The following DYNC2LI1 variants were observed in gnomAD, a reference collection of about 807,000 sequenced individuals.
DYNC2LI1 encodes the protein cytoplasmic dynein 2 light intermediate chain 1.
A neutral mutation model predicts 51.9 loss-of-function variants in DYNC2LI1; 45 were observed. That is an observed-to-expected ratio of 0.87 (90% CI 0.68 to 1.11). The LOEUF is 1.11. DYNC2LI1 is among the 50% of genes most tolerant of loss of function. DYNC2LI1 has a pLI of 0.00. For synonymous variants in DYNC2LI1, 130 were observed against 137.8 expected (o/e 0.94, Z 0.40); for missense variants, 490 against 417.4 (o/e 1.17, Z -1.51).
chr2:43,827,929 C>T, the DYNC2LI1 span: 4 of 1,610,138 alleles, frequency 2.5e-6, no homozygotes, highest in Admixed American at 1.7e-5. Context: ...AGTATCTGCA[C>T]ACACACAGAA....
chr2:43,809,527 T>G (rs1382140528), intron 12 of DYNC2LI1, among the ~76,000 whole-genome samples, 178 bp from the exon 13 acceptor site: 1 of 152,220 alleles, frequency 6.6e-6, no homozygotes, highest in Non-Finnish European at 1.5e-5. Flanking sequence ...GAAGACAGTA[T>G]TTCTAGAAAA....
intron 10 of DYNC2LI1, among the ~76,000 whole-genome samples, chr2:43,803,758 G>A (rs541413408): frequency 1.1e-4 from 17 of 152,160 alleles, no homozygotes; most frequent in East Asian, 1.9e-4. Context: ...AATGGCTTTC[G>A]CACCAAAGTG....
chr2:43,794,103 T>G (rs1357595642), intron 5 of DYNC2LI1: 3 of 192,336 alleles, frequency 1.6e-5, no homozygotes, highest in African/African-American at 7.1e-5. Context: ...TGTTTTTGCT[T>G]CTTTTATTAT....
the DYNC2LI1 span, among the ~76,000 whole-genome samples, chr2:43,821,713 A>G: frequency 6.6e-6 from 1 of 152,002 alleles, no homozygotes; most frequent in Admixed American, 6.5e-5. Flanking sequence ...TTGTGTCTTG[A>G]ATTCTAATAG....
At position 43,783,616 on chromosome 2, in the gene DYNC2LI1, A is replaced by G. The variant is rs947738073; in HGVS notation, c.161+62A>G. On this transcript the variant is annotated intron_variant, in intron 3 of 12. Transcript: ENST00000260605. ...TTATTCTAGTTGTATAGGGCAAGTTAGCTCTAAAAGACATAAGGAAGGGGA... is the reference window on the plus strand; with the variant it reads ...TTATTCTAGTTGTATAGGGCAAGTTGGCTCTAAAAGACATAAGGAAGGGGA... 9 of 1,084,866 alleles carry G rather than the reference A, an allele frequency of 8.3e-6. No individual in the cohort carries two copies. In the Admixed American group the frequency reaches 2.6e-4, roughly 32 times the overall value. 67.2% of individuals were successfully genotyped at this position (1,084,866 alleles called of 1,614,324 possible).
intron 3 of DYNC2LI1, among the ~76,000 whole-genome samples, chr2:43,784,428 A>G (rs1673425427): frequency 6.6e-6 from 1 of 152,060 alleles, no homozygotes; most frequent in African/African-American, 2.4e-5. Flanking sequence ...GTTGAAAAGT[A>G]TTAATTTCTT....
chr2:43,779,513 C>T lies in DYNC2LI1; in HGVS notation c.126+2614C>T, dbSNP rs202197420. 3.3e-5 allele frequency among the ~76,000 whole-genome samples: 5 copies of T among 152,192 alleles called. No homozygotes were observed. In the East Asian group the frequency reaches 9.6e-4, roughly 29 times the overall value. On this transcript the variant is annotated intron_variant, in intron 2 of 12. Coordinates refer to ENST00000260605, the MANE Select transcript of DYNC2LI1 (RefSeq NM_016008.4). ...TGTGGAAACAGGAATGAAAGGCATT[C>T]TCCCTGGGAAGCAACTTGTGTATCA...
chr2:43,792,805 T>C lies in DYNC2LI1; in HGVS notation c.321-1652T>C, dbSNP rs1309495719. 2.0e-6 allele frequency: 3 copies of C among 1,525,732 alleles called. No homozygotes were observed. In the African/African-American group the frequency reaches 4.2e-5, roughly 21 times the overall value. The allele number at this position is 1,525,732 out of a possible 1,614,324, so 94.5% of individuals were successfully genotyped here. A position where few individuals can be genotyped will look rare whatever the true frequency, so the allele number is the denominator to read the frequency against. ...ATTTAGCATAACGTCTTCAGGGTTC[T>C]TCCGTTTGTAGTATGTGTCAGGATT... is the stretch of plus-strand genomic sequence containing the variant. On this transcript the variant is annotated intron_variant, in intron 5 of 12. Coordinates refer to ENST00000260605, the MANE Select transcript of DYNC2LI1 (RefSeq NM_016008.4).
chr2:43,782,905 C>T (rs145537943), intron 2 of DYNC2LI1, among the ~76,000 whole-genome samples: 5,188 of 152,116 alleles, frequency 0.034, 296 homozygotes, highest in African/African-American at 0.12. Context: ...TCACTTGAGC[C>T]CAGGAGGCAG....
the DYNC2LI1 span, among the ~76,000 whole-genome samples, chr2:43,816,392 C>T: frequency 6.6e-6 from 1 of 152,216 alleles, no homozygotes; most frequent in Non-Finnish European, 1.5e-5. Context: ...GAGAGTGCGC[C>T]TCTAGCCTTG....
intron 6 of DYNC2LI1, chr2:43,795,234 G>C: frequency 1.0e-6 from 1 of 975,448 alleles, no homozygotes; most frequent in Non-Finnish European, 1.2e-6. Context: ...AGCAGGGTGC[G>C]ATGGCTCATG....
chr2:43,796,934 C>T, intron 8 of DYNC2LI1, 139 bp downstream of exon 8: 1 of 651,666 alleles, frequency 1.5e-6, no homozygotes, highest in East Asian at 2.7e-5. Context: ...CTGAAGACCT[C>T]TCCTTACAGA....
At chr2:43,813,721 T>TTG (rs1448671920), downstream of DYNC2LI1, among the ~76,000 whole-genome samples, 1,589 of 128,268 alleles carry the variant, frequency 0.012, 18 homozygotes, top group Non-Finnish European at 0.021. Flanking sequence ...TTTTTTTTTT[T>TTG]TTTTTTTTTT....
Position 43,794,494 on chromosome 2 carries a change from CCTAAT to C in DYNC2LI1, c.359_363del (p.Pro120ArgfsTer30). ...TGTTCTCGTTCTGGATCTTTCAAAACCTAATGATCTCTGGCCCACCATGGAAAATC... is the reference window on the plus strand; with the variant it reads ...TGTTCTCGTTCTGGATCTTTCAAAACGATCTCTGGCCCACCATGGAAAATC... On this transcript the variant is annotated frameshift_variant, in exon 6 of 13. Coordinates refer to ENST00000260605, the MANE Select transcript of DYNC2LI1 (RefSeq NM_016008.4). LOFTEE classifies it high-confidence loss of function. 1 of 1,613,834 alleles carries C rather than the reference CCTAAT, an allele frequency of 6.2e-7. No homozygotes were observed. Among genetic ancestry groups the C allele is most frequent in the Non-Finnish European group, 8.5e-7 (1 of 1,179,884 alleles).
Position 43,774,098 on chromosome 2 carries a change from A to C in DYNC2LI1, c.-41A>C, listed in dbSNP as rs777737519. The C allele has an allele frequency of 5.6e-5, 90 of 1,612,464 alleles. No homozygotes were observed. The highest frequency in any genetic ancestry group is 7.5e-5 in the Non-Finnish European group (88 of 1,179,482). ...GCCGCCTGATTCTAGGCTGGTCACT[A>C]CTCCGAGCCTGTGACGTTTGCGGCA... On this transcript the variant is annotated 5_prime_UTR_variant, in exon 1 of 13. Coordinates refer to ENST00000260605, the MANE Select transcript of DYNC2LI1 (RefSeq NM_016008.4).
chr2:43,781,310 T>C (rs1040097194), intron 2 of DYNC2LI1, among the ~76,000 whole-genome samples: 8 of 151,364 alleles, frequency 5.3e-5, no homozygotes, highest in Non-Finnish European at 1.0e-4. Flanking sequence ...AGAGGTTTCA[T>C]GAGCCAAGAT....
the DYNC2LI1 span, among the ~76,000 whole-genome samples, chr2:43,826,103 GTAGC>G: frequency 6.6e-6 from 1 of 151,924 alleles, no homozygotes; most frequent in Admixed American, 6.6e-5. Flanking sequence ...AGCCTTCCAA[GTAGC>G]TGGGACCACA....
chr2:43,812,594 C>T (rs77105521), downstream of DYNC2LI1: 29,821 of 169,228 alleles, frequency 0.18, 2,858 homozygotes, highest in Middle Eastern at 0.3. Flanking sequence ...CAGGTAACTC[C>T]GACCCCTCGT....
the DYNC2LI1 span, among the ~76,000 whole-genome samples, chr2:43,815,146 A>C: frequency 6.6e-6 from 1 of 152,232 alleles, no homozygotes; most frequent in Non-Finnish European, 1.5e-5. Context: ...GAACTAACCT[A>C]GAATACAAAG....
Sources: allele counts gnomAD v4.1 joint callset (sites outside exome capture counted in the v4.1 genomes callset), GRCh38; gene constraint gnomAD v4.1.1; transcripts MANE v1.5; gene names NCBI Gene and HGNC (gene_info 2026-07-23, HGNC 2026-07-21).